The following SLC25A21 variants were observed in gnomAD, a reference collection of about 807,000 sequenced individuals.
SLC25A21 encodes the protein solute carrier family 25 member 21.
A neutral mutation model predicts 43.8 loss-of-function variants in SLC25A21; 47 were observed. The observed-to-expected ratio is 1.07, with a 90% CI of 0.85 to 1.37. The LOEUF (loss-of-function observed/expected upper bound fraction) is 1.37, where lower values mean the gene tolerates loss of function less well. Among genes scored for constraint, SLC25A21 ranks in the 40% most tolerant of loss-of-function variants. The pLI is 0.00. For missense variants in SLC25A21, 352 were observed against 350.2 expected (o/e 1.00, Z -0.04); for synonymous variants, 131 against 121.3 (o/e 1.08, Z -0.52).
intron 1 of SLC25A21, among the ~76,000 whole-genome samples, chr14:36,972,595 G>C (rs192547870): frequency 7.2e-4 from 110 of 152,268 alleles, no homozygotes; most frequent in African/African-American, 2.5e-3. Flanking sequence ...GCCTTACAGA[G>C]AAATGGTATC....
chr14:36,678,387 C>T lies in SLC25A21; in HGVS notation c.*2271G>A. The T allele has an allele frequency of 9.3e-7, 1 of 1,071,682 alleles. No homozygotes were observed. The highest frequency in any genetic ancestry group is 2.0e-4 in the Middle Eastern group (1 of 5,048). The allele number at this position is 1,071,682 out of a possible 1,614,324, so 66.4% of individuals were successfully genotyped here. A position where few individuals can be genotyped will look rare whatever the true frequency, so the allele number is the denominator to read the frequency against. On this transcript the variant is annotated 3_prime_UTR_variant, in exon 10 of 10. Coordinates refer to ENST00000331299, the MANE Select transcript of SLC25A21 (RefSeq NM_030631.4). ...CAGTGCTACAAATAGAGGATTATAACTTCAGGAGAAGAATAAGCAGAAGGA... is the reference window on the plus strand; with the variant it reads ...CAGTGCTACAAATAGAGGATTATAATTTCAGGAGAAGAATAAGCAGAAGGA...
chr14:37,106,348 C>A (rs540774701), intron 1 of SLC25A21, among the ~76,000 whole-genome samples: 3 of 152,014 alleles, frequency 2.0e-5, no homozygotes, highest in South Asian at 2.1e-4. Context: ...ATTATTAATA[C>A]CCTGGGAAAG....
chr14:36,795,260 C>T (rs1196983089), intron 3 of SLC25A21, among the ~76,000 whole-genome samples: 2 of 152,112 alleles, frequency 1.3e-5, no homozygotes, highest in African/African-American at 2.4e-5. Context: ...TTATTAAGGT[C>T]TTAGGGATCA....
chr14:37,135,862 G>A (rs1963471714), intron 1 of SLC25A21, among the ~76,000 whole-genome samples: 1 of 152,160 alleles, frequency 6.6e-6, no homozygotes, highest in Non-Finnish European at 1.5e-5. Flanking sequence ...TTGTTGGTAG[G>A]TCCCATAAAA....
chr14:36,874,148 G>A (rs1309434047), intron 2 of SLC25A21, among the ~76,000 whole-genome samples: 1 of 152,136 alleles, frequency 6.6e-6, no homozygotes, highest in African/African-American at 2.4e-5. Context: ...TCCATCCAAT[G>A]ACCAGCCTGA....
At chr14:37,097,680 G>A (rs1028677670) in intron 1 of SLC25A21, among the ~76,000 whole-genome samples, 1 of 151,820 alleles carries the variant, frequency 6.6e-6, no homozygotes. Context: ...GTCAGGAGTT[G>A]GAGACTAGCC....
At chr14:36,687,315 A>G (rs1882599870) in intron 7 of SLC25A21, among the ~76,000 whole-genome samples, 1 of 152,102 alleles carries the variant, frequency 6.6e-6, no homozygotes, top group South Asian at 2.1e-4. Flanking sequence ...TCTCCAATCC[A>G]GCTGTGCTTC....
intron 2 of SLC25A21, among the ~76,000 whole-genome samples, chr14:36,868,581 T>A (rs552716387): frequency 6.6e-5 from 10 of 152,318 alleles, no homozygotes; most frequent in Admixed American, 3.3e-4. Context: ...CAATGATAAT[T>A]TCTAACCATC....
At chr14:36,959,620 TGAAA>T (rs1959438298) in intron 1 of SLC25A21, among the ~76,000 whole-genome samples, 1 of 151,932 alleles carries the variant, frequency 6.6e-6, no homozygotes, top group African/African-American at 2.4e-5. Context: ...AGGGAAAAAA[TGAAA>T]GGAAGAAAAG....
chr14:36,853,557 C>G (rs1007721356), intron 2 of SLC25A21, among the ~76,000 whole-genome samples: 2 of 152,194 alleles, frequency 1.3e-5, no homozygotes, highest in South Asian at 4.1e-4. Flanking sequence ...ATCAGCTCCC[C>G]GTTCCTGTGA....
chr14:36,686,868 G>C (rs1882576453), intron 7 of SLC25A21, among the ~76,000 whole-genome samples: 1 of 152,206 alleles, frequency 6.6e-6, no homozygotes, highest in African/African-American at 2.4e-5. Context: ...CATTGTGCTT[G>C]AGACATGGCA....
intron 1 of SLC25A21, among the ~76,000 whole-genome samples, chr14:36,939,872 T>A (rs1892513642): frequency 6.6e-6 from 1 of 152,152 alleles, no homozygotes; most frequent in Non-Finnish European, 1.5e-5. Context: ...TCACTGCGAA[T>A]GTGAACTCAC....
At chr14:36,694,362 G>A (rs1203400130) in intron 7 of SLC25A21, among the ~76,000 whole-genome samples, 1 of 152,116 alleles carries the variant, frequency 6.6e-6, no homozygotes, top group East Asian at 1.9e-4. Context: ...GAATAGTGCT[G>A]CAATAAACAT....
chr14:36,888,974 T>C (rs1891002985), intron 1 of SLC25A21, among the ~76,000 whole-genome samples: 1 of 152,254 alleles, frequency 6.6e-6, no homozygotes, highest in South Asian at 2.1e-4. Flanking sequence ...GTTTAATTAA[T>C]CACGCTGCTA....
chr14:37,095,656 T>G (rs1962675049), intron 1 of SLC25A21, among the ~76,000 whole-genome samples: 2 of 151,998 alleles, frequency 1.3e-5, no homozygotes, highest in Admixed American at 6.6e-5. Flanking sequence ...GAGGCTGAAG[T>G]AGGAGGATTG....
intron 1 of SLC25A21, among the ~76,000 whole-genome samples, chr14:37,073,541 G>A (rs541257129): frequency 1.3e-5 from 2 of 152,228 alleles, no homozygotes; most frequent in African/African-American, 4.8e-5. Context: ...GAGGACTCCT[G>A]TGCCAAGTAA....
intron 4 of SLC25A21, among the ~76,000 whole-genome samples, chr14:36,730,473 G>T (rs1331724497): frequency 6.6e-6 from 1 of 152,014 alleles, no homozygotes; most frequent in Non-Finnish European, 1.5e-5. Context: ...GTATTATATG[G>T]TCCCCAATAT....
At chr14:36,863,326 T>C (rs986311506) in intron 2 of SLC25A21, among the ~76,000 whole-genome samples, 4 of 151,848 alleles carry the variant, frequency 2.6e-5, no homozygotes, top group Admixed American at 6.6e-5. Flanking sequence ...GGGAGAGTCT[T>C]CTAAGACCAT....
intron 3 of SLC25A21, among the ~76,000 whole-genome samples, chr14:36,766,044 G>C (rs848109): frequency 1.3e-5 from 2 of 149,364 alleles, no homozygotes; most frequent in African/African-American, 2.5e-5. Context: ...TTTTTTTTGA[G>C]TGAAATATCA....
Sources: gnomAD v4.1 joint callset for allele counts (sites outside exome capture counted in the v4.1 genomes callset) on GRCh38, gnomAD v4.1.1 for gene constraint, MANE v1.5 for transcripts, NCBI Gene and HGNC (gene_info 2026-07-23, HGNC 2026-07-21) for gene names.